The following ITGAV variants were observed in gnomAD, a reference collection of about 807,000 sequenced individuals.
The protein encoded by ITGAV is integrin alpha-V.
ITGAV carries 76 observed loss-of-function variants against 143.8 expected under a neutral mutation model. That is an observed-to-expected ratio of 0.53 (90% CI 0.44 to 0.64). The LOEUF (loss-of-function observed/expected upper bound fraction) is 0.64, where lower values mean the gene tolerates loss of function less well. ITGAV is among the 30% of genes least tolerant of loss of function. The pLI is 0.00. For missense variants in ITGAV, 1,193 were observed against 1,274.7 expected (o/e 0.94, Z 0.98); for synonymous variants, 453 against 446.7 (o/e 1.01, Z -0.18).
At chr2:186,598,294 T>TACACACACACACACACAC (rs56789925) in intron 1 of ITGAV, among the ~76,000 whole-genome samples, 2 of 147,856 alleles carry the variant, frequency 1.4e-5, no homozygotes, top group Non-Finnish European at 3.0e-5. Context: ...TTATAATTTA[T>TACACACACACACACACAC]ACACACACAC....
intron 2 of ITGAV, among the ~76,000 whole-genome samples, chr2:186,610,891 A>G (rs1389119341): frequency 1.3e-5 from 2 of 152,318 alleles, no homozygotes; most frequent in South Asian, 4.1e-4. Context: ...TAGACTGCTC[A>G]TGTAGTCTGT....
At chr2:186,605,847 AATAC>A (rs1284847948) in intron 2 of ITGAV, among the ~76,000 whole-genome samples, 1 of 148,852 alleles carries the variant, frequency 6.7e-6, no homozygotes, top group African/African-American at 2.4e-5. Context: ...GTATATGTAT[AATAC>A]ATATATTCTT....
intron 1 of ITGAV, 60 bp from the exon 2 acceptor site, chr2:186,601,961 A>G: frequency 2.0e-6 from 3 of 1,522,828 alleles, no homozygotes; most frequent in Middle Eastern, 1.7e-4. Flanking sequence ...CTCATAAATC[A>G]GAAGATATTG....
At chr2:186,615,201 C>A (rs1010081034) in intron 2 of ITGAV, among the ~76,000 whole-genome samples, 2 of 151,896 alleles carry the variant, frequency 1.3e-5, no homozygotes, top group Non-Finnish European at 2.9e-5. Context: ...TTTGTTTATA[C>A]CAGTAGATGC....
chr2:186,602,133 A>C lies in ITGAV; in HGVS notation c.298A>C (p.Ile100Leu), dbSNP rs201231113. 2 of 1,608,412 alleles carry C rather than the reference A, an allele frequency of 1.2e-6. No homozygotes were observed. Among genetic ancestry groups the C allele is most frequent in the Admixed American group, 1.7e-5 (1 of 59,088 alleles). The part of the protein sequence containing the change: ...DWSSTRRCQP[I>L]EFDATGNRDY... ...GTCTTCTACCCGCCGGTGCCAGCCAATTGAATTTGATGCAACAGGTAAATT... is the reference window on the plus strand; with the variant it reads ...GTCTTCTACCCGCCGGTGCCAGCCACTTGAATTTGATGCAACAGGTAAATT... The change falls in exon 2 of 30, where the codon ATT (isoleucine) becomes CTT (leucine). Residue 100 changes from isoleucine (I) to leucine (L), a missense_variant. Coordinates refer to ENST00000261023, the MANE Select transcript of ITGAV (RefSeq NM_002210.5).
At chr2:186,624,710 T>C (rs1006243050) in intron 3 of ITGAV, among the ~76,000 whole-genome samples, 1 of 152,228 alleles carries the variant, frequency 6.6e-6, no homozygotes, top group African/African-American at 2.4e-5. Flanking sequence ...TCTACTGCTC[T>C]ATGTGGTATT....
chr2:186,633,106 C>G (rs1341658318), intron 5 of ITGAV, among the ~76,000 whole-genome samples: 2 of 149,052 alleles, frequency 1.3e-5, no homozygotes, highest in Non-Finnish European at 3.0e-5. Flanking sequence ...GTTTGACCAG[C>G]TTACCAGCCT....
At chr2:186,658,216 C>T (rs540667029) in intron 17 of ITGAV, among the ~76,000 whole-genome samples, 1 of 152,178 alleles carries the variant, frequency 6.6e-6, no homozygotes, top group South Asian at 2.1e-4. Context: ...AAATATGTGA[C>T]TGTCTTTTTT....
At chr2:186,657,353 C>G (rs577292678) in intron 17 of ITGAV, among the ~76,000 whole-genome samples, 1 of 152,264 alleles carries the variant, frequency 6.6e-6, no homozygotes, top group African/African-American at 2.4e-5. Context: ...ACTGACCATG[C>G]ATAGGCCATA....
intron 1 of ITGAV, among the ~76,000 whole-genome samples, chr2:186,596,799 G>T (rs189902593): frequency 6.6e-6 from 1 of 151,912 alleles, no homozygotes; most frequent in African/African-American, 2.4e-5. Flanking sequence ...CAGCTTCCTC[G>T]TAAGACTTTA....
intron 7 of ITGAV, among the ~76,000 whole-genome samples, chr2:186,636,460 T>C (rs1368205939): frequency 6.6e-6 from 1 of 152,236 alleles, no homozygotes; most frequent in Non-Finnish European, 1.5e-5. Context: ...TACTGTGTTC[T>C]GGGCATTGTT....
At chr2:186,640,563 G>C (rs1688074104) in intron 10 of ITGAV, among the ~76,000 whole-genome samples, 1 of 152,186 alleles carries the variant, frequency 6.6e-6, no homozygotes, top group Admixed American at 6.5e-5. Flanking sequence ...TAGTGTGCTT[G>C]TGTCTGGTAT....
At chr2:186,665,291 A>G in intron 21 of ITGAV, 73 bp downstream of exon 21, 1 of 932,306 alleles carries the variant, frequency 1.1e-6, no homozygotes. Context: ...GGCTCATAGT[A>G]ATTTTTAAAA....
intron 1 of ITGAV, among the ~76,000 whole-genome samples, chr2:186,592,691 T>TA (rs1686647392): frequency 1.3e-5 from 2 of 152,162 alleles, no homozygotes; most frequent in Admixed American, 1.3e-4. Flanking sequence ...ATGAATGTGT[T>TA]ATGACCTCAC....
chr2:186,648,050 C>T (rs1688310583), intron 13 of ITGAV, among the ~76,000 whole-genome samples: 5 of 152,106 alleles, frequency 3.3e-5, no homozygotes, highest in Admixed American at 3.3e-4. Context: ...ATATGCTATT[C>T]ATAGTGTTTT....
intron 2 of ITGAV, among the ~76,000 whole-genome samples, chr2:186,621,869 A>G (rs1252507019): frequency 6.6e-6 from 1 of 152,132 alleles, no homozygotes; most frequent in Non-Finnish European, 1.5e-5. Context: ...CAACCAAATC[A>G]AGTTTCCTGG....
intron 2 of ITGAV, among the ~76,000 whole-genome samples, chr2:186,616,799 A>G (rs1157858657): frequency 6.6e-6 from 1 of 152,080 alleles, no homozygotes; most frequent in Non-Finnish European, 1.5e-5. Flanking sequence ...GGTACCCATG[A>G]TTTATGATTT....
rs1559038768 is a variant in ITGAV at position 186,602,169 on chromosome 2, A to G, written c.316+18A>G. ...TGCAACAGGTAAATTTTGATGCACAATTTTCTTTTCATTGATTTCATTTGA... is the reference window on the plus strand; with the variant it reads ...TGCAACAGGTAAATTTTGATGCACAGTTTTCTTTTCATTGATTTCATTTGA... On this transcript the variant is annotated intron_variant, in intron 2 of 29. Coordinates refer to ENST00000261023, the MANE Select transcript of ITGAV (RefSeq NM_002210.5). 1.3e-6 allele frequency: 2 copies of G among 1,591,058 alleles called. No individual in the cohort carries two copies. Among genetic ancestry groups the G allele is most frequent in the Non-Finnish European group, 8.5e-7 (1 of 1,170,700 alleles).
intron 5 of ITGAV, among the ~76,000 whole-genome samples, chr2:186,632,611 TTGTATA>T (rs1203034220): frequency 6.6e-6 from 1 of 152,170 alleles, no homozygotes; most frequent in Non-Finnish European, 1.5e-5. Flanking sequence ...CAAGCATAAT[TTGTATA>T]TGTATAATAC....
Sources: gnomAD v4.1 joint callset for allele counts (sites outside exome capture counted in the v4.1 genomes callset) on GRCh38, gnomAD v4.1.1 for gene constraint, MANE v1.5 for transcripts, NCBI Gene and HGNC (gene_info 2026-07-23, HGNC 2026-07-21) for gene names.